PPARGC1A: variants seen among roughly 807,000 people sequenced by gnomAD.
PPARGC1A encodes peroxisome proliferator-activated receptor gamma coactivator 1-alpha.
In PPARGC1A, 25 loss-of-function variants were observed where a neutral mutation model predicts 88.7. The observed-to-expected ratio is 0.28, with a 90% CI of 0.21 to 0.39. The LOEUF (loss-of-function observed/expected upper bound fraction) is 0.39, where lower values mean the gene tolerates loss of function less well. Ranked by LOEUF, PPARGC1A falls within the 10% of genes least tolerant of loss-of-function variation. The probability of loss-of-function intolerance (pLI) is 1.00; values close to 1 mark genes in which losing one functional copy is unlikely to be tolerated. For missense variants in PPARGC1A, 880 were observed against 968.7 expected, an observed-to-expected ratio of 0.91 and a Z score of 1.22; for synonymous variants, 363 against 355.6, an observed-to-expected ratio of 1.02 and a Z score of -0.24.
chr4:24,262,476 C>G, the PPARGC1A span, among the ~76,000 whole-genome samples: 3 of 152,122 alleles, frequency 2.0e-5, no homozygotes, highest in African/African-American at 7.2e-5. Context: ...AAACATGAAA[C>G]GAACACATCA....
At chr4:24,218,209 G>C in the PPARGC1A span, among the ~76,000 whole-genome samples, 3 of 152,160 alleles carry the variant, frequency 2.0e-5, no homozygotes, top group Admixed American at 2.0e-4. Context: ...CATATAACAA[G>C]TGTTCAATAA....
At chr4:24,471,459 C>T in the PPARGC1A span, among the ~76,000 whole-genome samples, 1 of 152,174 alleles carries the variant, frequency 6.6e-6, no homozygotes, top group African/African-American at 2.4e-5. This position sits in a 1 kb window ranked among gnomAD's most constrained non-coding sequence, Gnocchi z 5.4. Flanking sequence ...CACCAACAAG[C>T]GGTGGGGGCA....
the PPARGC1A span, among the ~76,000 whole-genome samples, chr4:24,059,783 A>G: frequency 1.3e-5 from 2 of 152,186 alleles, no homozygotes; most frequent in Non-Finnish European, 2.9e-5. Flanking sequence ...ATGGAGTCCC[A>G]GCTTTTTTCC....
the PPARGC1A span, among the ~76,000 whole-genome samples, chr4:24,293,975 T>C: frequency 6.6e-6 from 1 of 152,200 alleles, no homozygotes; most frequent in Non-Finnish European, 1.5e-5. Context: ...TGAGTTAATT[T>C]ATATAAAACT....
chr4:24,223,721 T>C, the PPARGC1A span, among the ~76,000 whole-genome samples: 4 of 152,222 alleles, frequency 2.6e-5, no homozygotes, highest in African/African-American at 9.6e-5. Flanking sequence ...TATGCCATCA[T>C]TAAAAATAGT....
At chr4:24,035,244 T>TA in the PPARGC1A span, among the ~76,000 whole-genome samples, 1 of 151,986 alleles carries the variant, frequency 6.6e-6, no homozygotes, top group Admixed American at 6.6e-5. Flanking sequence ...ACAATTGTTT[T>TA]AAAAAAAACT....
At chr4:24,121,774 C>T in the PPARGC1A span, among the ~76,000 whole-genome samples, 1 of 152,170 alleles carries the variant, frequency 6.6e-6, no homozygotes, top group Non-Finnish European at 1.5e-5. Context: ...ATTTTCATTA[C>T]AAATAAGCTT....
chr4:23,884,073 G>T lies in PPARGC1A; in HGVS notation c.234+679C>A, dbSNP rs558043411. On this transcript the variant is annotated intron_variant, in intron 2 of 12. Coordinates refer to ENST00000264867, the MANE Select transcript of PPARGC1A (RefSeq NM_013261.5). ...AAATGAGTACTGATCTTGTGGGAAA[G>T]AATTCCTTTTCTCAAAGTAACACTT... 2.0e-5 allele frequency: 3 copies of T among 152,234 alleles called. No homozygotes were observed. The South Asian group carries it at 6.2e-4, about 32-fold the overall frequency. The allele number at this position is 152,234 out of a possible 1,614,324, so 9.4% of individuals were successfully genotyped here.
At chr4:24,376,303 A>G in the PPARGC1A span, among the ~76,000 whole-genome samples, 1 of 152,306 alleles carries the variant, frequency 6.6e-6, no homozygotes, top group South Asian at 2.1e-4. Context: ...CTATGGAGCA[A>G]ATGATACTTC....
At chr4:24,471,316 G>GCACACCCACACACAGACA in the PPARGC1A span, among the ~76,000 whole-genome samples, 1 of 151,208 alleles carries the variant, frequency 6.6e-6, no homozygotes, top group Admixed American at 6.6e-5. The surrounding 1 kb of genome is among the most constrained non-coding windows in gnomAD (Gnocchi z 5.4). Context: ...GAGCGCGCGC[G>GCACACCCACACACAGACA]CACACCCACA....
intron 2 of PPARGC1A, among the ~76,000 whole-genome samples, chr4:23,836,363 A>C (rs1726011894): frequency 6.6e-6 from 1 of 152,150 alleles, no homozygotes; most frequent in Non-Finnish European, 1.5e-5. Flanking sequence ...GGTTCTCCTT[A>C]CACAATGCAA....
chr4:23,890,248 G>T, upstream of PPARGC1A: 1 of 426,952 alleles, frequency 2.3e-6, no homozygotes. Flanking sequence ...AAAAAGAAAA[G>T]AAAGAAAGAA....
upstream of PPARGC1A, among the ~76,000 whole-genome samples, chr4:23,907,256 C>G (rs146500853): frequency 1.1e-3 from 160 of 152,294 alleles, no homozygotes; most frequent in Non-Finnish European, 1.8e-3. Context: ...ACATAAACCA[C>G]TGATTATAAC....
chr4:24,140,031 G>C, the PPARGC1A span, among the ~76,000 whole-genome samples: 2 of 152,168 alleles, frequency 1.3e-5, no homozygotes, highest in African/African-American at 4.8e-5. Context: ...GTCTCTCCAG[G>C]TACCATGCCC....
chr4:24,355,673 T>C, the PPARGC1A span, among the ~76,000 whole-genome samples: 1 of 152,092 alleles, frequency 6.6e-6, no homozygotes, highest in South Asian at 2.1e-4. Flanking sequence ...CATGTTAATG[T>C]AGCTGAGATT....
At chr4:24,175,266 G>C in the PPARGC1A span, among the ~76,000 whole-genome samples, 4 of 151,900 alleles carry the variant, frequency 2.6e-5, no homozygotes, top group African/African-American at 9.7e-5. Flanking sequence ...GAGGCATGAT[G>C]GCCCATCCCT....
At chr4:24,169,848 A>G in the PPARGC1A span, among the ~76,000 whole-genome samples, 62 of 152,196 alleles carry the variant, frequency 4.1e-4, no homozygotes, top group African/African-American at 1.4e-3. Context: ...AAAAACAAAA[A>G]GATAATCTCT....
the PPARGC1A span, among the ~76,000 whole-genome samples, chr4:24,269,526 A>G: frequency 1.3e-5 from 2 of 152,186 alleles, no homozygotes; most frequent in African/African-American, 2.4e-5. Context: ...TACTGTGTAG[A>G]GAGAACCTCT....
At chr4:23,896,205 A>G (rs1718584981) in intron 1 of PPARGC1A, among the ~76,000 whole-genome samples, 4 of 152,088 alleles carry the variant, frequency 2.6e-5, no homozygotes, top group Admixed American at 2.6e-4. Flanking sequence ...TGACGACGTT[A>G]TAAGTACTTT....
Sources: gnomAD v4.1 joint callset for allele counts (sites outside exome capture counted in the v4.1 genomes callset) on GRCh38, gnomAD v4.1.1 for gene constraint, Gnocchi (gnomAD v3.1) non-coding constraint, MANE v1.5 for transcripts, NCBI Gene and HGNC (gene_info 2026-07-23, HGNC 2026-07-21) for gene names.